BMERB1: variants seen among roughly 807,000 people sequenced by gnomAD.
BMERB1 encodes bMERB domain containing 1.
A neutral mutation model predicts 23.6 loss-of-function variants in BMERB1; 12 were observed. That is an observed-to-expected ratio of 0.51 (90% CI 0.33 to 0.82). The LOEUF is 0.82. Among genes scored for constraint, BMERB1 ranks in the 40% least tolerant of loss-of-function variants. The pLI is 0.03. For missense variants in BMERB1, 247 were observed against 255.4 expected, an observed-to-expected ratio of 0.97 and a Z score of 0.22; for synonymous variants, 122 against 96.6, an observed-to-expected ratio of 1.26 and a Z score of -1.54.
At chr16:15,475,959 C>G (rs964639326) in intron 1 of BMERB1, among the ~76,000 whole-genome samples, 2 of 152,078 alleles carry the variant, frequency 1.3e-5, no homozygotes, top group Non-Finnish European at 2.9e-5. Flanking sequence ...ATTCTCCAGC[C>G]CCTCTGAAGG....
intron 2 of BMERB1, among the ~76,000 whole-genome samples, chr16:15,547,119 T>A (rs1274718143): frequency 1.3e-5 from 2 of 151,618 alleles, no homozygotes; most frequent in Non-Finnish European, 2.9e-5. Flanking sequence ...TTCAAGCGAT[T>A]CTCCTGCCTC....
rs138847272 is a variant in BMERB1, at chr16:15,498,385, G to A, written c.107-16920G>A. 1.5e-3 allele frequency among the ~76,000 whole-genome samples: 232 copies of A among 152,138 alleles called. 1 individual carries two copies. The highest frequency in any genetic ancestry group is 0.011 in the East Asian group (55 of 5,166). ...TCCGTCTCTACAAAATTAAAAGGAC[G>A]TGATGGTGCACACCTGTAGTCCCAC... On this transcript the variant is annotated intron_variant, in intron 1 of 5. Transcript: ENST00000300006.
chr16:15,500,065 A>G (rs1016946106), intron 1 of BMERB1, among the ~76,000 whole-genome samples: 2 of 152,172 alleles, frequency 1.3e-5, no homozygotes, highest in Admixed American at 6.5e-5. Flanking sequence ...GCTCTTTGCA[A>G]CTTATCACTG....
chr16:15,485,468 T>A (rs951776545), intron 1 of BMERB1, among the ~76,000 whole-genome samples: 10 of 151,694 alleles, frequency 6.6e-5, no homozygotes, highest in Admixed American at 2.6e-4. Context: ...ACCAATACTT[T>A]CTTTTTCCAT....
intron 2 of BMERB1, among the ~76,000 whole-genome samples, chr16:15,528,596 C>T (rs1044049891): frequency 3.9e-5 from 6 of 151,952 alleles, no homozygotes; most frequent in Admixed American, 1.3e-4. Flanking sequence ...CCTTGGGCCT[C>T]CTTTTAGTCT....
At chr16:15,448,946 G>A (rs936009869) in intron 1 of BMERB1, among the ~76,000 whole-genome samples, 2 of 152,194 alleles carry the variant, frequency 1.3e-5, no homozygotes, top group African/African-American at 4.8e-5. Context: ...AAGTGACAGT[G>A]TTGTGATGGG....
rs767869310 is a variant in BMERB1 at position 15,434,668 on chromosome 16, A to G, written c.15A>G (p.Gln5=). The G allele has an allele frequency of 1.9e-6, 3 of 1,613,704 alleles. No homozygotes were observed. Among genetic ancestry groups the G allele is most frequent in the Non-Finnish European group, 2.5e-6 (3 of 1,179,854 alleles). ...GGGGATCAGCGATGGAATTAAAGCA[A>G]TCTTTGTCCACCCATCTGGAAGCCG... MELK[Q]SLSTHLEAEK... is the part of the protein sequence containing the mutation. The change falls in exon 1 of 6, where the codon CAA becomes CAG. Residue 5 remains glutamine, a synonymous_variant. Coordinates refer to ENST00000300006, the MANE Select transcript of BMERB1 (RefSeq NM_033201.3).
chr16:15,447,160 A>C (rs2050997087), intron 1 of BMERB1, among the ~76,000 whole-genome samples: 1 of 152,188 alleles, frequency 6.6e-6, no homozygotes, highest in South Asian at 2.1e-4. Flanking sequence ...CCGTTTTCAC[A>C]CTGCTATAAA....
chr16:15,548,985 G>A (rs1300002293), intron 2 of BMERB1, among the ~76,000 whole-genome samples: 1 of 152,020 alleles, frequency 6.6e-6, no homozygotes, highest in South Asian at 2.1e-4. Flanking sequence ...AGGCTTCCCC[G>A]GGGCCTGCAG....
intron 1 of BMERB1, among the ~76,000 whole-genome samples, chr16:15,442,078 C>T (rs1216924995): frequency 3.9e-5 from 6 of 152,078 alleles, no homozygotes; most frequent in Admixed American, 2.0e-4. Flanking sequence ...AGCCTGTAAT[C>T]CCAGCACTTT....
intron 2 of BMERB1, among the ~76,000 whole-genome samples, chr16:15,565,079 A>C (rs1417283644): frequency 2.0e-5 from 3 of 151,216 alleles, no homozygotes; most frequent in African/African-American, 7.3e-5. Flanking sequence ...ACTCAGCCAC[A>C]GGCATTCCTT....
At chr16:15,480,012 A>AAC (rs2051305867) in intron 1 of BMERB1, among the ~76,000 whole-genome samples, 1 of 146,928 alleles carries the variant, frequency 6.8e-6, no homozygotes, top group African/African-American at 2.5e-5. Context: ...ATATATATAT[A>AAC]ATATATATAT....
chr16:15,540,180 A>G (rs2150962529), intron 2 of BMERB1, among the ~76,000 whole-genome samples: 1 of 152,132 alleles, frequency 6.6e-6, no homozygotes, highest in Non-Finnish European at 1.5e-5. Context: ...TCTTTTAGGA[A>G]CAATATTAGG....
At chr16:15,508,778 A>G (rs2051622502) in intron 1 of BMERB1, among the ~76,000 whole-genome samples, 1 of 149,444 alleles carries the variant, frequency 6.7e-6, no homozygotes, top group Non-Finnish European at 1.5e-5. Context: ...GTGAGCCAAG[A>G]TCATGCCACT....
chr16:15,539,888 C>A (rs1391482110), intron 2 of BMERB1, among the ~76,000 whole-genome samples: 1 of 151,880 alleles, frequency 6.6e-6, no homozygotes, highest in Non-Finnish European at 1.5e-5. Flanking sequence ...CAGGCAAGGC[C>A]TAGTGGCTCA....
chr16:15,460,177 A>T (rs2051122639), intron 1 of BMERB1, among the ~76,000 whole-genome samples: 1 of 152,130 alleles, frequency 6.6e-6, no homozygotes, highest in Non-Finnish European at 1.5e-5. Context: ...GAATTATTGG[A>T]GTAGGTTGAA....
At chr16:15,463,270 T>TATATATATA (rs2051152108) in intron 1 of BMERB1, among the ~76,000 whole-genome samples, 1 of 151,440 alleles carries the variant, frequency 6.6e-6, no homozygotes, top group African/African-American at 2.4e-5. Context: ...TATATATATA[T>TATATATATA]TTTGTAGAGG....
chr16:15,551,931 G>T (rs2030104013), intron 2 of BMERB1, among the ~76,000 whole-genome samples: 1 of 152,096 alleles, frequency 6.6e-6, no homozygotes, highest in Non-Finnish European at 1.5e-5. Flanking sequence ...GCCTCCCTTA[G>T]TTCTGGGATA....
chr16:15,563,380 C>T (rs1489824813), intron 2 of BMERB1, among the ~76,000 whole-genome samples: 1 of 151,912 alleles, frequency 6.6e-6, no homozygotes, highest in African/African-American at 2.4e-5. Context: ...CCACCACGCC[C>T]GGCTAATTTT....
Sources: allele counts gnomAD v4.1 joint callset (sites outside exome capture counted in the v4.1 genomes callset), GRCh38; gene constraint gnomAD v4.1.1; transcripts MANE v1.5; gene names NCBI Gene and HGNC (gene_info 2026-07-23, HGNC 2026-07-21).